PTPRD: variants seen among roughly 807,000 people sequenced by gnomAD.
PTPRD encodes the protein receptor-type tyrosine-protein phosphatase delta.
A neutral mutation model predicts 214.5 loss-of-function variants in PTPRD; 34 were observed. The ratio of observed to expected loss-of-function variants is 0.16; its 90% confidence interval spans 0.12 to 0.21. PTPRD has a LOEUF of 0.21. Among genes scored for constraint, PTPRD ranks in the 10% least tolerant of loss-of-function variants. The probability of loss-of-function intolerance (pLI) is 1.00; values close to 1 mark genes in which losing one functional copy is unlikely to be tolerated. For missense variants in PTPRD, 2,545 were observed against 2,398.7 expected, an observed-to-expected ratio of 1.06 and a Z score of -1.27; for synonymous variants, 1,128 against 845.7, an observed-to-expected ratio of 1.33 and a Z score of -5.79.
chr9:10,102,196 C>G (rs569054853), intron 3 of PTPRD, among the ~76,000 whole-genome samples: 1 of 151,790 alleles, frequency 6.6e-6, no homozygotes, highest in East Asian at 2.0e-4. Flanking sequence ...AATCACTACT[C>G]ATTCTCTCTC....
At chr9:8,421,370 T>TTCTCTTCTCTTCTCTTCTCTTC (rs141962478) in intron 35 of PTPRD, among the ~76,000 whole-genome samples, 1,711 of 146,710 alleles carry the variant, frequency 0.012, 17 homozygotes, top group East Asian at 0.015. Flanking sequence ...TTCTCTTCTC[T>TTCTCTTCTCTTCTCTTCTCTTC]TCTCTCTCTC....
At chr9:9,493,248 C>A (rs992205207) in intron 8 of PTPRD, among the ~76,000 whole-genome samples, 1 of 151,970 alleles carries the variant, frequency 6.6e-6, no homozygotes, top group African/African-American at 2.4e-5. Context: ...AAAAACAAAG[C>A]CTGTATGACA....
chr9:8,996,898 C>T (rs893687598), intron 11 of PTPRD, among the ~76,000 whole-genome samples: 2 of 151,954 alleles, frequency 1.3e-5, no homozygotes, highest in Admixed American at 6.6e-5. Context: ...TTTTCTATAT[C>T]TTGATTGTGA....
At chr9:8,920,908 G>C (rs1187576491) in intron 11 of PTPRD, among the ~76,000 whole-genome samples, 2 of 152,156 alleles carry the variant, frequency 1.3e-5, no homozygotes, top group African/African-American at 4.8e-5. Context: ...CTGCCGCACA[G>C]GATCAAGCGA....
intron 11 of PTPRD, among the ~76,000 whole-genome samples, chr9:8,929,941 A>ATATATATGTGTATATATATG (rs2098939911): frequency 7.8e-6 from 1 of 128,576 alleles, no homozygotes. Flanking sequence ...GTATATATAT[A>ATATATATGTGTATATATATG]TGTGTGTGTG....
At chr9:8,358,601 A>G (rs2077552793) in intron 39 of PTPRD, among the ~76,000 whole-genome samples, 1 of 152,166 alleles carries the variant, frequency 6.6e-6, no homozygotes, top group Admixed American at 6.5e-5. Flanking sequence ...TGTCAGCAAA[A>G]TACATTTTAA....
chr9:8,567,055 C>T (rs866686071), intron 14 of PTPRD, among the ~76,000 whole-genome samples: 15 of 152,150 alleles, frequency 9.9e-5, no homozygotes, highest in African/African-American at 3.6e-4. Context: ...CGAATCTCTC[C>T]TATTTATCTT....
chr9:9,833,756 A>T (rs2055814092), intron 5 of PTPRD, among the ~76,000 whole-genome samples: 1 of 151,808 alleles, frequency 6.6e-6, no homozygotes, highest in African/African-American at 2.4e-5. Context: ...GAGAAAAAGA[A>T]TTCAGCAATA....
intron 8 of PTPRD, among the ~76,000 whole-genome samples, chr9:9,459,477 C>T (rs2093426041): frequency 1.3e-5 from 2 of 152,038 alleles, no homozygotes; most frequent in Admixed American, 6.6e-5. Context: ...CAAAAGACTC[C>T]TAGATCTGAT....
intron 3 of PTPRD, among the ~76,000 whole-genome samples, chr9:10,188,264 A>C (rs2099346993): frequency 6.6e-6 from 1 of 152,140 alleles, no homozygotes; most frequent in Non-Finnish European, 1.5e-5. Context: ...ATTAATTGGA[A>C]ATTAGTATTA....
chr9:8,836,520 A>T (rs910571667), intron 11 of PTPRD, among the ~76,000 whole-genome samples: 1 of 151,444 alleles, frequency 6.6e-6, no homozygotes, highest in African/African-American at 2.4e-5. Context: ...TAATTTTAAA[A>T]CTCTGACCTT....
chr9:9,718,277 C>T (rs144115809), intron 7 of PTPRD, among the ~76,000 whole-genome samples: 91 of 152,214 alleles, frequency 6.0e-4, no homozygotes, highest in African/African-American at 2.1e-3. Context: ...ATCATGCTAG[C>T]AGGAGTTTCA....
intron 3 of PTPRD, among the ~76,000 whole-genome samples, chr9:10,061,033 G>C (rs1356919691): frequency 1.4e-5 from 2 of 147,170 alleles, no homozygotes; most frequent in Non-Finnish European, 1.5e-5. Context: ...TTTTCTCTCT[G>C]ACTATCTCTC....
chr9:9,044,517 A>G (rs1376244320), intron 10 of PTPRD, among the ~76,000 whole-genome samples: 2 of 152,208 alleles, frequency 1.3e-5, no homozygotes, highest in East Asian at 3.9e-4. Context: ...TTTTGTGAAC[A>G]CTAACTAGTT....
intron 9 of PTPRD, among the ~76,000 whole-genome samples, chr9:9,252,119 T>C (rs2099975725): frequency 6.6e-6 from 1 of 152,012 alleles, no homozygotes; most frequent in African/African-American, 2.4e-5. Flanking sequence ...TACTCTGTTG[T>C]AGGGGACCAA....
chr9:10,331,824 T>A (rs1373640095), intron 3 of PTPRD, among the ~76,000 whole-genome samples: 1 of 151,898 alleles, frequency 6.6e-6, no homozygotes, highest in Non-Finnish European at 1.5e-5. Flanking sequence ...AAACTCATGA[T>A]CACTTTCAGT....
chr9:8,780,386 A>G (rs2095648294), intron 11 of PTPRD, among the ~76,000 whole-genome samples: 1 of 152,154 alleles, frequency 6.6e-6, no homozygotes, highest in Non-Finnish European at 1.5e-5. Flanking sequence ...TAGGCACAGC[A>G]GACACAATAG....
intron 2 of PTPRD, among the ~76,000 whole-genome samples, chr9:10,366,093 G>A (rs1381535779): frequency 1.3e-5 from 2 of 152,142 alleles, no homozygotes; most frequent in Non-Finnish European, 2.9e-5. Context: ...TGTCACTGCT[G>A]TGGTCCCAAT....
At chr9:8,477,821 T>A (rs1184280339) in intron 30 of PTPRD, among the ~76,000 whole-genome samples, 2 of 152,064 alleles carry the variant, frequency 1.3e-5, no homozygotes, top group Non-Finnish European at 2.9e-5. Flanking sequence ...AAAAAAAAAA[T>A]TCTATTTTGA....
Sources: allele counts gnomAD v4.1 joint callset (sites outside exome capture counted in the v4.1 genomes callset), GRCh38; gene constraint gnomAD v4.1.1; transcripts MANE v1.5; gene names NCBI Gene and HGNC (gene_info 2026-07-23, HGNC 2026-07-21).